Variants in CDKAL1 observed in about 807,000 individuals in gnomAD.
CDKAL1 encodes threonylcarbamoyladenosine tRNA methylthiotransferase.
Under a neutral mutation model 68.2 loss-of-function variants are expected in CDKAL1, and 32 were observed. That is an observed-to-expected ratio of 0.47 (90% CI 0.35 to 0.63). The LOEUF is 0.63. Among genes scored for constraint, CDKAL1 ranks in the 30% least tolerant of loss-of-function variants. The probability of loss-of-function intolerance (pLI) is 0.00; values close to 1 mark genes in which losing one functional copy is unlikely to be tolerated. For synonymous variants in CDKAL1, 234 were observed against 244.3 expected, an observed-to-expected ratio of 0.96 and a Z score of 0.39; for missense variants, 606 against 696.7, an observed-to-expected ratio of 0.87 and a Z score of 1.47.
chr6:21,223,416 T>C (rs1458673001), intron 15 of CDKAL1, among the ~76,000 whole-genome samples: 2 of 152,232 alleles, frequency 1.3e-5, no homozygotes, highest in Non-Finnish European at 2.9e-5. Context: ...GCTGGGCACA[T>C]GGTGAATGTT....
At chr6:20,570,540 A>G (rs1050408647) in intron 4 of CDKAL1, among the ~76,000 whole-genome samples, 2 of 152,194 alleles carry the variant, frequency 1.3e-5, no homozygotes, top group Non-Finnish European at 2.9e-5. Flanking sequence ...AGCTAGGACT[A>G]CAGGCATCTG....
chr6:21,172,872 G>A (rs972480793), intron 13 of CDKAL1, among the ~76,000 whole-genome samples: 1 of 152,046 alleles, frequency 6.6e-6, no homozygotes, highest in Non-Finnish European at 1.5e-5. Flanking sequence ...AAAAATTTTT[G>A]AATCAATTTT....
chr6:20,861,454 A>T (rs1759626038), intron 9 of CDKAL1, among the ~76,000 whole-genome samples: 1 of 152,202 alleles, frequency 6.6e-6, no homozygotes, highest in Non-Finnish European at 1.5e-5. Context: ...ATTTTAGTTG[A>T]TTTTATAGGT....
chr6:20,623,848 C>T (rs2127735375), intron 4 of CDKAL1, among the ~76,000 whole-genome samples: 1 of 152,178 alleles, frequency 6.6e-6, no homozygotes, highest in Admixed American at 6.5e-5. Context: ...TTGGCCTTGG[C>T]TTACTTAAGC....
At chr6:21,121,951 C>G (rs1774742957) in intron 13 of CDKAL1, among the ~76,000 whole-genome samples, 1 of 152,128 alleles carries the variant, frequency 6.6e-6, no homozygotes, top group African/African-American at 2.4e-5. Flanking sequence ...GTGGTCTTTA[C>G]CTGTGCCGTC....
intron 12 of CDKAL1, among the ~76,000 whole-genome samples, chr6:21,094,048 A>G (rs1292220807): frequency 6.6e-6 from 1 of 152,038 alleles, no homozygotes; most frequent in Non-Finnish European, 1.5e-5. Flanking sequence ...CATATTTTTT[A>G]AATTACTAAC....
intron 8 of CDKAL1, chr6:20,799,609 G>C (rs774335762): frequency 1.3e-5 from 2 of 151,938 alleles, no homozygotes; most frequent in African/African-American, 2.4e-5. Flanking sequence ...CTTTTGTTTT[G>C]GCAATTCCTG....
intron 11 of CDKAL1, among the ~76,000 whole-genome samples, chr6:21,049,921 G>C (rs1770451157): frequency 6.6e-6 from 1 of 151,426 alleles, no homozygotes; most frequent in Non-Finnish European, 1.5e-5. Flanking sequence ...AATAGTTGGA[G>C]TTTGTTGCAT....
At chr6:20,960,034 T>C (rs188139162) in intron 10 of CDKAL1, among the ~76,000 whole-genome samples, 15 of 152,332 alleles carry the variant, frequency 9.8e-5, no homozygotes, top group South Asian at 2.1e-4. Context: ...GCTTATTGTT[T>C]GCAAGAAACT....
chr6:20,553,770 C>T (rs903395509), intron 4 of CDKAL1, among the ~76,000 whole-genome samples: 7 of 152,178 alleles, frequency 4.6e-5, no homozygotes, highest in Non-Finnish European at 1.0e-4. Context: ...GATACCATGC[C>T]TGACTGATTC....
intron 4 of CDKAL1, among the ~76,000 whole-genome samples, chr6:20,561,998 T>G (rs1764284980): frequency 6.6e-6 from 1 of 152,226 alleles, no homozygotes; most frequent in Non-Finnish European, 1.5e-5. Context: ...GAAATCTAAT[T>G]TAATCCATTC....
chr6:20,635,518 C>A (rs1767865874), intron 4 of CDKAL1, among the ~76,000 whole-genome samples: 1 of 152,020 alleles, frequency 6.6e-6, no homozygotes, highest in Non-Finnish European at 1.5e-5. Flanking sequence ...GGAATATTTG[C>A]ATTATACACT....
rs139359124 is a variant in CDKAL1, at chr6:21,125,657, C to T, written c.1299+17194C>T. 2.9e-3 allele frequency among the ~76,000 whole-genome samples: 438 copies of T among 152,238 alleles called. 1 individual carries two copies. Among genetic ancestry groups the T allele is most frequent in the Non-Finnish European group, 3.6e-3 (242 of 68,004 alleles). On this transcript the variant is annotated intron_variant, in intron 13 of 15. Transcript: ENST00000274695. Reference sequence around the variant, plus strand: ...TTGCGCCATTGCACTCCAGCCTGGGCAACAAGAGTGAAACTCCATCTCAAA... The same window carrying T: ...TTGCGCCATTGCACTCCAGCCTGGGTAACAAGAGTGAAACTCCATCTCAAA...
At chr6:20,705,562 A>G (rs1771556384) in intron 5 of CDKAL1, among the ~76,000 whole-genome samples, 1 of 152,206 alleles carries the variant, frequency 6.6e-6, no homozygotes, top group African/African-American at 2.4e-5. Context: ...CCATTCAGAC[A>G]TTCGGAGATC....
chr6:21,060,944 A>G (rs1771112138), intron 11 of CDKAL1, among the ~76,000 whole-genome samples: 1 of 152,132 alleles, frequency 6.6e-6, no homozygotes. Context: ...TAGAATTTGA[A>G]GCTCACAATT....
chr6:21,127,750 A>G (rs1775090751), intron 13 of CDKAL1, among the ~76,000 whole-genome samples: 1 of 152,188 alleles, frequency 6.6e-6, no homozygotes, highest in Non-Finnish European at 1.5e-5. Flanking sequence ...ACTCTATCTC[A>G]GGAATAAAAG....
At chr6:20,934,739 C>G (rs556900428) in intron 9 of CDKAL1, among the ~76,000 whole-genome samples, 1 of 151,740 alleles carries the variant, frequency 6.6e-6, no homozygotes. Context: ...CCCAGCTACT[C>G]GGGAGGCTGA....
chr6:20,714,604 G>A (rs1227137838), intron 5 of CDKAL1, among the ~76,000 whole-genome samples: 1 of 151,710 alleles, frequency 6.6e-6, no homozygotes, highest in Non-Finnish European at 1.5e-5. Flanking sequence ...TGTCCAAACT[G>A]TATTATTGTC....
At position 20,568,759 on chromosome 6, in the gene CDKAL1, C is replaced by A. The variant is rs1218057212; in HGVS notation, c.286+20054C>A. On this transcript the variant is annotated intron_variant, in intron 4 of 15. Transcript: ENST00000274695. ...CAAAAAAAAAAAAAAAACAAAAAAACAAAAAAACAAAGAAATGTGAGGTGT... is the reference window on the plus strand; with the variant it reads ...CAAAAAAAAAAAAAAAACAAAAAAAAAAAAAAACAAAGAAATGTGAGGTGT... 1.2e-3 allele frequency among the ~76,000 whole-genome samples: 161 copies of A among 136,418 alleles called. 3 individuals are homozygous for A. In the East Asian group the frequency reaches 0.028, roughly 24 times the overall value. 89.5% of individuals were successfully genotyped at this position (136,418 alleles called of 152,430 possible). A position where few individuals can be genotyped will look rare whatever the true frequency, so the allele number is the denominator to read the frequency against.
Sources: allele counts gnomAD v4.1 joint callset (sites outside exome capture counted in the v4.1 genomes callset), GRCh38; gene constraint gnomAD v4.1.1; transcripts MANE v1.5; gene names NCBI Gene and HGNC (gene_info 2026-07-23, HGNC 2026-07-21).